TRPM4: variants seen among roughly 807,000 people sequenced by gnomAD.
TRPM4 encodes the protein calcium-activated non-selective cation channel 1.
In TRPM4, 124 loss-of-function variants were observed where a neutral mutation model predicts 135.6. That is an observed-to-expected ratio of 0.91 (90% CI 0.79 to 1.06). The LOEUF is 1.06. TRPM4 is among the 50% of genes least tolerant of loss of function. TRPM4 has a pLI of 0.00. For missense variants in TRPM4, 1,658 were observed against 1,671.4 expected, an observed-to-expected ratio of 0.99 and a Z score of 0.14; for synonymous variants, 745 against 705.6, an observed-to-expected ratio of 1.06 and a Z score of -0.88.
At chr19:49,198,606 C>CCACTG in intron 17 of TRPM4, among the ~76,000 whole-genome samples, 1 of 147,390 alleles carries the variant, frequency 6.8e-6, no homozygotes, top group East Asian at 2.0e-4. Flanking sequence ...CAAGATCATG[C>CCACTG]CACTGCACTC....
chr19:49,181,593 G>A, intron 10 of TRPM4, 132 bp downstream of exon 10: 2 of 657,336 alleles, frequency 3.0e-6, no homozygotes, highest in Non-Finnish European at 5.1e-6. Flanking sequence ...GTGCAGAGGT[G>A]TGATCCCAGC....
chr19:49,182,471 TCC>T lies in TRPM4; in HGVS notation c.1264-106_1264-105del, dbSNP rs1968013595. On this transcript the variant is annotated intron_variant, in intron 10 of 24. Transcript: ENST00000252826. ...ATCCACCCATCCATCCATCCATCCATCCATCCATCCATCCATCCATCCATCCA... is the reference window on the plus strand; with the variant it reads ...ATCCACCCATCCATCCATCCATCCATATCCATCCATCCATCCATCCATCCA... 5.1e-6 allele frequency: 4 copies of T among 782,494 alleles called. No individual in the cohort carries two copies. The African/African-American group carries it at 6.8e-5, about 13-fold the overall frequency. 48.5% of individuals were successfully genotyped at this position (782,494 alleles called of 1,614,324 possible). A position where few individuals can be genotyped will look rare whatever the true frequency, so the allele number is the denominator to read the frequency against.
At chr19:49,203,240 T>C (rs981023075) in intron 20 of TRPM4, among the ~76,000 whole-genome samples, 3 of 151,334 alleles carry the variant, frequency 2.0e-5, no homozygotes, top group African/African-American at 4.9e-5. Flanking sequence ...AGTGCAATGG[T>C]GCAATCTCAG....
intron 2 of TRPM4, among the ~76,000 whole-genome samples, chr19:49,163,951 C>T (rs1230378606): frequency 6.6e-6 from 1 of 152,216 alleles, no homozygotes; most frequent in African/African-American, 2.4e-5. Context: ...ATGAAGAAGA[C>T]ACTTTATTGT....
chr19:49,164,699 C>T (rs1967107853), intron 2 of TRPM4, among the ~76,000 whole-genome samples: 1 of 149,012 alleles, frequency 6.7e-6, no homozygotes, highest in South Asian at 2.1e-4. Flanking sequence ...TGCTTGCTTG[C>T]TTGCTTGCTT....
In TRPM4 at chr19:49,190,299, A is replaced by G; in HGVS notation, c.2111A>G (p.Tyr704Cys). 6.2e-7 allele frequency: 1 copy of G among 1,612,326 alleles called. No homozygotes were observed. Among genetic ancestry groups the G allele is most frequent in the African/African-American group, 1.3e-5 (1 of 74,962 alleles). ...GCCTTCTTTTGCCCTCCACTCATCTACACCCGCCTCATCACCTTCAGGTCA... is the reference window on the plus strand; with the variant it reads ...GCCTTCTTTTGCCCTCCACTCATCTGCACCCGCCTCATCACCTTCAGGTCA... ...VLAFFCPPLI[Y>C]TRLITFRKSE... Residue 704 changes from tyrosine (Y) to cysteine (C), a missense_variant, in exon 15 of 25, where the codon TAC becomes TGC. Coordinates refer to ENST00000252826, the MANE Select transcript of TRPM4 (RefSeq NM_017636.4).
In TRPM4 at chr19:49,166,143, A is replaced by G. The variant is rs748687621; in HGVS notation, c.195A>G (p.Ala65=). Residue 65 remains alanine (A), a synonymous_variant, in exon 3 of 25, where the codon GCA becomes GCG. Coordinates refer to ENST00000252826, the MANE Select transcript of TRPM4 (RefSeq NM_017636.4). The part of the protein sequence containing the change: ...AAVVTVWDSD[A]HTTEKPTDAY... Reference sequence around the variant, plus strand: ...TGGTGACCGTGTGGGACAGCGATGCACACACCACGGAGAAGCCCACCGATG... The same window carrying G: ...TGGTGACCGTGTGGGACAGCGATGCGCACACCACGGAGAAGCCCACCGATG... 1.2e-6 allele frequency: 2 copies of G among 1,608,222 alleles called. No homozygotes were observed. Among genetic ancestry groups the G allele is most frequent in the Non-Finnish European group, 1.7e-6 (2 of 1,178,208 alleles).
chr19:49,207,636 C>CA (rs34758808), intron 20 of TRPM4, among the ~76,000 whole-genome samples: 5,968 of 38,770 alleles, frequency 0.15, 738 homozygotes, highest in Non-Finnish European at 0.2. Flanking sequence ...AACCTTGTCT[C>CA]AAAAAAAAAA....
intron 10 of TRPM4, 61 bp downstream of exon 10, chr19:49,181,522 T>G: frequency 1.2e-6 from 1 of 867,724 alleles, no homozygotes; most frequent in Non-Finnish European, 1.8e-6. Flanking sequence ...GTCCTCCCTC[T>G]CTGCCTTCTT....
chr19:49,159,029 T>TG, intron 2 of TRPM4: 1 of 34,232 alleles, frequency 2.9e-5, no homozygotes, highest in East Asian at 2.6e-4. Context: ...TTCTAGTTTT[T>TG]TTTTTTTTTT....
intron 9 of TRPM4, among the ~76,000 whole-genome samples, chr19:49,174,101 A>C (rs984548260): frequency 6.6e-6 from 1 of 152,168 alleles, no homozygotes; most frequent in Non-Finnish European, 1.5e-5. Context: ...ACAGAAGCAC[A>C]GGCAAGAATC....
chr19:49,209,939 G>C (rs1344221840), intron 20 of TRPM4, among the ~76,000 whole-genome samples: 1 of 151,802 alleles, frequency 6.6e-6, no homozygotes, highest in Non-Finnish European at 1.5e-5. Context: ...AGTAGAGATG[G>C]GGCTTCACCA....
At position 49,171,861 on chromosome 19, in the gene TRPM4, T is replaced by C. The variant is rs1967473918; in HGVS notation, c.1050+92T>C. The C allele has an allele frequency of 1.1e-5, 16 of 1,463,700 alleles. No homozygotes were observed. In the East Asian group the frequency reaches 1.4e-4, roughly 13 times the overall value. 90.7% of individuals were successfully genotyped at this position (1,463,700 alleles called of 1,614,324 possible). ...TCTGAGGGAGGAGGGGCTGGGGGCC[T>C]GGACTTCCAGGTTCCGGGAGAAGAG... is the stretch of plus-strand genomic sequence containing the variant. On this transcript the variant is annotated intron_variant, in intron 8 of 24. Transcript: ENST00000252826. This position sits in a 1 kb window ranked among gnomAD's most constrained non-coding sequence, Gnocchi z 4.7.
chr19:49,171,371 A>G lies in TRPM4; in HGVS notation c.811A>G (p.Ile271Val). The change falls in exon 7 of 25, where the codon ATC (isoleucine) becomes GTC (valine). Residue 271 changes from isoleucine to valine, a missense_variant. Around this residue, in one of 3 missense-constraint regions of TRPM4, gnomAD observed 1,412 missense variants for 1,408.7 expected, o/e 1.00. Transcript: ENST00000252826. The surrounding 1 kb of genome is among the most constrained non-coding windows in gnomAD (Gnocchi z 4.7). ...TCTTGCCTCAGGGACTGGAATTGAC[A>G]TCCCTGTCCTGCTCCTCCTGATTGA... ...KTGVGGTGIDIPVLLLLIDGD... is the reference protein window; with the variant it reads ...KTGVGGTGIDVPVLLLLIDGD... 1 of 1,614,044 alleles carries G rather than the reference A, an allele frequency of 6.2e-7. No individual in the cohort carries two copies. The highest frequency in any genetic ancestry group is 2.2e-5 in the East Asian group (1 of 44,862).
At chr19:49,165,961 C>G (rs1042956027) in intron 2 of TRPM4, 80 bp from the exon 3 acceptor site, 2 of 1,424,678 alleles carry the variant, frequency 1.4e-6, no homozygotes, top group African/African-American at 1.4e-5. Context: ...ACAGCCCCCT[C>G]TACAGGAGCA....
chr19:49,166,399 T>C (rs1325188117), intron 3 of TRPM4, among the ~76,000 whole-genome samples, 184 bp downstream of exon 3: 1 of 152,166 alleles, frequency 6.6e-6, no homozygotes, highest in African/African-American at 2.4e-5. Context: ...TGCGTCTCTT[T>C]GTCTCTGTCT....
chr19:49,172,061 A>G lies in TRPM4; in HGVS notation c.1103A>G (p.Asp368Gly). 6.2e-7 allele frequency: 1 copy of G among 1,614,046 alleles called. No individual in the cohort carries two copies. Among genetic ancestry groups the G allele is most frequent in the Non-Finnish European group, 8.5e-7 (1 of 1,179,960 alleles). The part of the protein sequence containing the change: ...KELLTVYSSE[D>G]GSEEFETIVL... ...CTCCTGACAGTCTATTCTTCTGAGGATGGGTCTGAGGAATTCGAGACCATA... is the reference window on the plus strand; with the variant it reads ...CTCCTGACAGTCTATTCTTCTGAGGGTGGGTCTGAGGAATTCGAGACCATA... Residue 368 changes from aspartate (D) to glycine (G), a missense_variant, in exon 9 of 25, where the codon GAT becomes GGT. By Grantham distance (94) the Asp-to-Gly change is moderately conservative. Coordinates refer to ENST00000252826, the MANE Select transcript of TRPM4 (RefSeq NM_017636.4).
intron 6 of TRPM4, among the ~76,000 whole-genome samples, chr19:49,169,195 A>G (rs1568460359): frequency 6.6e-6 from 1 of 151,224 alleles, no homozygotes; most frequent in Non-Finnish European, 1.5e-5. Context: ...GCAATACTCC[A>G]TCTCAAACAA....
In TRPM4 at chr19:49,168,598, G is replaced by C. The variant is rs1161880335; in HGVS notation, c.658G>C (p.Gly220Arg). 6.2e-7 allele frequency: 1 copy of C among 1,613,744 alleles called. No homozygotes were observed. Among genetic ancestry groups the C allele is most frequent in the Admixed American group, 1.7e-5 (1 of 59,998 alleles). The change falls in exon 6 of 25, where the codon GGG (glycine) becomes CGG (arginine). Residue 220 changes from glycine (G) to arginine (R), a missense_variant. This residue lies in a region of TRPM4 where 1,412 missense variants were observed against 1,408.7 expected (regional missense o/e 1.00). Transcript: ENST00000252826. ...RYRWRGDPED[G>R]VQFPLDYNYS... ...CCGGTGGCGCGGTGACCCGGAGGAC[G>C]GGGTCCAGTTTCCCCTGGACTACAA...
Sources: allele counts gnomAD v4.1 joint callset (sites outside exome capture counted in the v4.1 genomes callset), GRCh38; gene constraint gnomAD v4.1.1; regional missense constraint gnomAD v4.1.1; non-coding constraint Gnocchi (gnomAD v3.1); transcripts MANE v1.5; gene names NCBI Gene and HGNC (gene_info 2026-07-23, HGNC 2026-07-21).